MID1: variants seen among roughly 807,000 people sequenced by gnomAD.
MID1 encodes E3 ubiquitin-protein ligase Midline-1.
Under a neutral mutation model 40.4 loss-of-function variants are expected in MID1, and 7 were observed. The ratio of observed to expected loss-of-function variants is 0.17; its 90% CI spans 0.10 to 0.33. The LOEUF is 0.33. Among genes scored for constraint, MID1 ranks in the 10% least tolerant of loss-of-function variants. The probability of loss-of-function intolerance (pLI) is 1.00; values close to 1 mark genes in which losing one functional copy is unlikely to be tolerated. For synonymous variants in MID1, 229 were observed against 221.2 expected (o/e 1.04, Z -0.31); for missense variants, 367 against 558.5 (o/e 0.66, Z 3.46).
intron 1 of MID1, among the ~76,000 whole-genome samples, chrX:10,633,202 T>C (rs1936071489): frequency 8.9e-6 from 1 of 111,959 alleles, no homozygotes; most frequent in Admixed American, 9.5e-5. Context: ...GTGCCCCCTG[T>C]ACCAGAGAGA....
chrX:10,802,409 G>A (rs1010831167), intron 1 of MID1, among the ~76,000 whole-genome samples: 1 of 110,697 alleles, frequency 9.0e-6, no homozygotes, highest in African/African-American at 3.3e-5. Context: ...ACATACAAGC[G>A]GCCAACAAAC....
At chrX:10,710,894 G>A (rs1205712722) in intron 1 of MID1, among the ~76,000 whole-genome samples, 2 of 111,787 alleles carry the variant, frequency 1.8e-5, no homozygotes, top group African/African-American at 6.5e-5. Flanking sequence ...ACAAATTCTT[G>A]TGTCAGACCA....
intron 1 of MID1, among the ~76,000 whole-genome samples, chrX:10,692,083 A>G (rs1019228318): frequency 8.9e-5 from 10 of 111,856 alleles, no homozygotes; most frequent in Non-Finnish European, 1.9e-4. Flanking sequence ...TATCAAGACA[A>G]TGTGTGCACA....
chrX:10,602,491 C>T (rs1935549855), intron 1 of MID1, among the ~76,000 whole-genome samples: 1 of 110,551 alleles, frequency 9.0e-6, no homozygotes. Flanking sequence ...CCTCCCCTAT[C>T]CCCCGGCAAC....
At chrX:10,464,275 G>A (rs960809810) in intron 7 of MID1, among the ~76,000 whole-genome samples, 2 of 112,094 alleles carry the variant, frequency 1.8e-5, no homozygotes, top group Non-Finnish European at 1.9e-5. Context: ...TGACCTTTTT[G>A]CATCATCTAT....
intron 2 of MID1, among the ~76,000 whole-genome samples, chrX:10,555,575 T>A (rs933968901): frequency 1.8e-5 from 2 of 111,158 alleles, no homozygotes; most frequent in Admixed American, 1.9e-4. Flanking sequence ...TCAGTGTTTA[T>A]CTCATAGTAG....
intron 1 of MID1, among the ~76,000 whole-genome samples, chrX:10,590,250 C>T (rs1008145875): frequency 8.9e-6 from 1 of 111,755 alleles, no homozygotes; most frequent in African/African-American, 3.3e-5. Context: ...TCTTAGGCGC[C>T]GGGCTACCTG....
intron 1 of MID1, among the ~76,000 whole-genome samples, chrX:10,643,959 A>C (rs1602492774): frequency 9.0e-6 from 1 of 110,545 alleles, no homozygotes; most frequent in East Asian, 2.8e-4. Flanking sequence ...GAACAATGAG[A>C]ACACTTGGAC....
At chrX:10,607,479 GT>G (rs1196681837) in intron 1 of MID1, among the ~76,000 whole-genome samples, 2 of 112,061 alleles carry the variant, frequency 1.8e-5, no homozygotes, top group African/African-American at 3.2e-5. Context: ...TAGTGCCAAA[GT>G]TGAGAAATCC....
intron 2 of MID1, among the ~76,000 whole-genome samples, chrX:10,533,724 G>A (rs1933128845): frequency 9.0e-6 from 1 of 111,712 alleles, no homozygotes; most frequent in African/African-American, 3.2e-5. Flanking sequence ...CTTAAATTAT[G>A]GATAAAATGC....
intron 1 of MID1, among the ~76,000 whole-genome samples, chrX:10,824,961 C>A (rs2044204768): frequency 9.0e-6 from 1 of 111,353 alleles, no homozygotes; most frequent in East Asian, 2.8e-4. Context: ...AGTGAAATGA[C>A]AAAATGGGTT....
At chrX:10,729,535 G>A (rs901319167) in intron 1 of MID1, among the ~76,000 whole-genome samples, 12 of 111,751 alleles carry the variant, frequency 1.1e-4, no homozygotes, top group Non-Finnish European at 2.3e-4. Flanking sequence ...TATAAATGAA[G>A]CTATAATAAT....
intron 3 of MID1, among the ~76,000 whole-genome samples, chrX:10,520,254 A>G (rs1932643255): frequency 8.9e-6 from 1 of 111,811 alleles, no homozygotes; most frequent in South Asian, 3.7e-4. Flanking sequence ...TCTCATCTAT[A>G]TTTTGTGTGC....
At chrX:10,667,637 G>T (rs1000109939) in intron 1 of MID1, among the ~76,000 whole-genome samples, 1 of 111,608 alleles carries the variant, frequency 9.0e-6, no homozygotes, top group Non-Finnish European at 1.9e-5. Flanking sequence ...GGGGTGTGTG[G>T]GGGGAGTCTT....
intron 1 of MID1, among the ~76,000 whole-genome samples, chrX:10,605,434 T>C (rs1484910499): frequency 8.9e-6 from 1 of 111,751 alleles, no homozygotes; most frequent in African/African-American, 3.2e-5. Flanking sequence ...ATAAACTATA[T>C]GAAGAAAATT....
At position 10,447,032 on chromosome X, in the gene MID1, T is replaced by A; in HGVS notation, c.*2336A>T. On this transcript the variant is annotated 3_prime_UTR_variant, in exon 10 of 10. Coordinates refer to ENST00000317552, the MANE Select transcript of MID1 (RefSeq NM_000381.4). ...AAAAAAAAATTCACACGGGAATCTT[T>A]TCTACATCATTATAGTAATTAAACA... is the stretch of plus-strand genomic sequence containing the variant. 8.9e-6 allele frequency: 1 copy of A among 112,025 alleles called. No homozygotes were observed. Among genetic ancestry groups the A allele is most frequent in the East Asian group, 2.8e-4 (1 of 3,572 alleles). 9.2% of individuals were successfully genotyped at this position (112,025 alleles called of 1,213,427 possible). A position where few individuals can be genotyped will look rare whatever the true frequency, so the allele number is the denominator to read the frequency against.
At chrX:10,595,732 T>C (rs763216927) in intron 1 of MID1, among the ~76,000 whole-genome samples, 14 of 110,793 alleles carry the variant, frequency 1.3e-4, no homozygotes, top group African/African-American at 4.6e-4. Context: ...GAAGAGTAAG[T>C]TTTGATGTGC....
At chrX:10,789,889 C>T (rs2043916609) in intron 1 of MID1, among the ~76,000 whole-genome samples, 1 of 111,139 alleles carries the variant, frequency 9.0e-6, no homozygotes, top group Non-Finnish European at 1.9e-5. Flanking sequence ...CCCTCTTTAA[C>T]AGATCCCCAC....
At chrX:10,784,041 T>C (rs985281016) in intron 1 of MID1, among the ~76,000 whole-genome samples, 12 of 111,979 alleles carry the variant, frequency 1.1e-4, no homozygotes, top group Non-Finnish European at 1.9e-4. Context: ...AAGAATAAAA[T>C]ACAATTCATT....
Sources: gnomAD v4.1 joint callset for allele counts (sites outside exome capture counted in the v4.1 genomes callset) on GRCh38, gnomAD v4.1.1 for gene constraint, MANE v1.5 for transcripts, NCBI Gene and HGNC (gene_info 2026-07-23, HGNC 2026-07-21) for gene names.